Variants in SORCS3 observed in about 807,000 individuals in gnomAD.
The protein encoded by SORCS3 is VPS10 domain-containing receptor SorCS3.
A neutral mutation model predicts 146.3 loss-of-function variants in SORCS3; 57 were observed. The observed-to-expected ratio is 0.39, with a 90% CI of 0.31 to 0.49. The LOEUF is 0.49. Ranked by LOEUF, SORCS3 falls within the 20% of genes least tolerant of loss-of-function variation. The pLI is 0.92. For synonymous variants in SORCS3, 653 were observed against 618.5 expected, an observed-to-expected ratio of 1.06 and a Z score of -0.83; for missense variants, 1,341 against 1,575.5, an observed-to-expected ratio of 0.85 and a Z score of 2.52.
At chr10:105,170,381 T>C (rs139298026) in intron 13 of SORCS3, among the ~76,000 whole-genome samples, 63 of 152,238 alleles carry the variant, frequency 4.1e-4, no homozygotes, top group South Asian at 2.9e-3. Flanking sequence ...CAATGTAATA[T>C]ATCTCTTTTC....
intron 3 of SORCS3, among the ~76,000 whole-genome samples, chr10:104,959,019 G>A (rs1201922834): frequency 1.3e-5 from 2 of 152,054 alleles, no homozygotes; most frequent in Non-Finnish European, 2.9e-5. Context: ...GATGAGATTT[G>A]GATGGGGCAT....
intron 14 of SORCS3, among the ~76,000 whole-genome samples, chr10:105,181,978 A>G (rs1369626110): frequency 6.6e-6 from 1 of 152,148 alleles, no homozygotes. Context: ...CCTCAAAGCT[A>G]TGTTTGAAAT....
intron 3 of SORCS3, among the ~76,000 whole-genome samples, chr10:104,945,335 G>A (rs1273913316): frequency 6.6e-6 from 1 of 152,048 alleles, no homozygotes; most frequent in African/African-American, 2.4e-5. Context: ...CAGGCTCACT[G>A]CAACCTCCAC....
intron 1 of SORCS3, among the ~76,000 whole-genome samples, chr10:104,710,329 G>A (rs933361802): frequency 6.6e-6 from 1 of 152,156 alleles, no homozygotes; most frequent in African/African-American, 2.4e-5. Flanking sequence ...CACCTGTGCT[G>A]GGGAAGGACC....
At chr10:104,715,229 C>T (rs1299599754) in intron 1 of SORCS3, among the ~76,000 whole-genome samples, 1 of 152,132 alleles carries the variant, frequency 6.6e-6, no homozygotes, top group Non-Finnish European at 1.5e-5. Context: ...AGGAAGATTC[C>T]ACCCTCACCA....
chr10:104,793,070 A>G (rs555111770), intron 1 of SORCS3, among the ~76,000 whole-genome samples: 3 of 152,300 alleles, frequency 2.0e-5, no homozygotes, highest in Admixed American at 6.5e-5. Context: ...TGTTATCTCA[A>G]TTTTTGAGAA....
intron 3 of SORCS3, among the ~76,000 whole-genome samples, chr10:104,940,201 C>CTT (rs2019297402): frequency 2.0e-5 from 1 of 50,094 alleles, no homozygotes; most frequent in Non-Finnish European, 4.7e-5. Flanking sequence ...TCTTCCTTTT[C>CTT]TTTTATATAT....
chr10:104,707,515 G>A (rs1343778933), intron 1 of SORCS3, among the ~76,000 whole-genome samples: 1 of 152,084 alleles, frequency 6.6e-6, no homozygotes, highest in Non-Finnish European at 1.5e-5. Flanking sequence ...GTACTTTGGG[G>A]CTAGGGGGAA....
chr10:104,937,478 G>T (rs2019271805), intron 3 of SORCS3, among the ~76,000 whole-genome samples: 2 of 152,178 alleles, frequency 1.3e-5, no homozygotes, highest in Non-Finnish European at 1.5e-5. Context: ...TATTTTAAAA[G>T]ATAACTAACA....
At chr10:105,229,238 A>C (rs1014576105) in intron 20 of SORCS3, among the ~76,000 whole-genome samples, 1 of 151,906 alleles carries the variant, frequency 6.6e-6, no homozygotes, top group Non-Finnish European at 1.5e-5. Context: ...TTTCTCATTC[A>C]TATCCTGAAT....
At chr10:105,183,515 C>T (rs897673959) in intron 14 of SORCS3, among the ~76,000 whole-genome samples, 2 of 152,136 alleles carry the variant, frequency 1.3e-5, no homozygotes, top group Non-Finnish European at 2.9e-5. Context: ...TAACTGCATC[C>T]GATAAAGTCG....
chr10:104,957,976 G>T (rs969644045), intron 3 of SORCS3, among the ~76,000 whole-genome samples: 23 of 152,206 alleles, frequency 1.5e-4, no homozygotes, highest in African/African-American at 5.3e-4. Flanking sequence ...CAGCCGAAGG[G>T]ATGATCCCAT....
At chr10:105,097,953 C>T (rs1229764988) in intron 6 of SORCS3, among the ~76,000 whole-genome samples, 1 of 152,180 alleles carries the variant, frequency 6.6e-6, no homozygotes, top group Non-Finnish European at 1.5e-5. Flanking sequence ...TTGTTTTCTT[C>T]TCATCATCAT....
chr10:105,097,397 C>T (rs982373150), intron 6 of SORCS3, among the ~76,000 whole-genome samples: 1 of 152,202 alleles, frequency 6.6e-6, no homozygotes, highest in Non-Finnish European at 1.5e-5. Flanking sequence ...TTCTGGAATT[C>T]ATCTTTCTCT....
intron 4 of SORCS3, among the ~76,000 whole-genome samples, chr10:105,037,471 A>G (rs1394852027): frequency 6.6e-6 from 1 of 152,204 alleles, no homozygotes; most frequent in Non-Finnish European, 1.5e-5. Flanking sequence ...CATTTAGGGG[A>G]AACCTTCCTT....
intron 22 of SORCS3, among the ~76,000 whole-genome samples, chr10:105,248,646 G>A (rs996139864): frequency 3.6e-4 from 54 of 151,480 alleles, no homozygotes; most frequent in African/African-American, 1.2e-3. Context: ...CCCAAAAGGC[G>A]GAGGTTGCAT....
Position 105,224,274 on chromosome 10 carries a change from T to G in SORCS3, c.2868+1025T>G, listed in dbSNP as rs192359099. Among the ~76,000 whole-genome samples the G allele has an allele frequency of 7.8e-4, 119 of 152,336 alleles. No individual in the cohort carries two copies. The Middle Eastern group carries it at 0.01, about 13-fold the overall frequency. ...CTCCTCCTTAATCCTTGGCAACCAC[T>G]GATATTTTTACTGTCTCTGTAGTTT... On this transcript the variant is annotated intron_variant, in intron 20 of 26. Coordinates refer to ENST00000369701, the MANE Select transcript of SORCS3 (RefSeq NM_014978.3).
At chr10:104,988,115 T>C (rs527393835) in intron 4 of SORCS3, among the ~76,000 whole-genome samples, 1 of 152,314 alleles carries the variant, frequency 6.6e-6, no homozygotes. Context: ...AGCATATGAC[T>C]CTTGAAGGGC....
intron 1 of SORCS3, among the ~76,000 whole-genome samples, chr10:104,645,688 G>C (rs1001344929): frequency 6.6e-6 from 1 of 152,180 alleles, no homozygotes; most frequent in Non-Finnish European, 1.5e-5. Context: ...GGCCCTCCCA[G>C]ATCACCCTGC....
Sources: allele counts gnomAD v4.1 joint callset (sites outside exome capture counted in the v4.1 genomes callset), GRCh38; gene constraint gnomAD v4.1.1; transcripts MANE v1.5; gene names NCBI Gene and HGNC (gene_info 2026-07-23, HGNC 2026-07-21).